The following ASCC3 variants were observed in gnomAD, a reference collection of about 807,000 sequenced individuals.
ASCC3 encodes ASC-1 complex subunit P200.
A neutral mutation model predicts 256.3 loss-of-function variants in ASCC3; 158 were observed. That is an observed-to-expected ratio of 0.62 (90% CI 0.54 to 0.70). The LOEUF is 0.70. Ranked by LOEUF, ASCC3 falls within the 30% of genes least tolerant of loss-of-function variation. The pLI is 0.00. For missense variants in ASCC3, 2,259 were observed against 2,626.0 expected (o/e 0.86, Z 3.05); for synonymous variants, 948 against 883.4 (o/e 1.07, Z -1.30).
At chr6:100,715,228 A>T (rs1779035166) in intron 13 of ASCC3, 1 of 385,158 alleles carries the variant, frequency 2.6e-6, no homozygotes, top group Non-Finnish European at 4.6e-6. Context: ...ATTTAAAATT[A>T]AAAATGGCAA....
At chr6:100,730,084 G>A (rs1388066905) in intron 10 of ASCC3, among the ~76,000 whole-genome samples, 1 of 151,938 alleles carries the variant, frequency 6.6e-6, no homozygotes, top group Non-Finnish European at 1.5e-5. Context: ...GTGGGAAGAT[G>A]ACTTGAGGTC....
rs915510474 is a variant in ASCC3 at position 100,593,994 on chromosome 6, A to G, written c.5304-3935T>C. ...TACATATCTAAACATAATTATCTTTATATGCATATATACATAATATACACA... is the reference window on the plus strand; with the variant it reads ...TACATATCTAAACATAATTATCTTTGTATGCATATATACATAATATACACA... On this transcript the variant is annotated intron_variant, in intron 34 of 41. Coordinates refer to ENST00000369162, the MANE Select transcript of ASCC3 (RefSeq NM_006828.4). Among the ~76,000 whole-genome samples, 4 of 152,176 alleles carry G rather than the reference A, an allele frequency of 2.6e-5. No individual in the cohort carries two copies. The East Asian group carries it at 7.7e-4, about 29-fold the overall frequency.
chr6:100,795,143 A>G lies in ASCC3; in HGVS notation c.1395+3570T>C, dbSNP rs111528609. ...AAATGAACTGGTGACCTAAGTCAGG[A>G]AAATCAGAGTTCATCCTAGGAGGTT... On this transcript the variant is annotated intron_variant, in intron 8 of 41. Coordinates refer to ENST00000369162, the MANE Select transcript of ASCC3 (RefSeq NM_006828.4). Among the ~76,000 whole-genome samples the G allele has an allele frequency of 3.3e-5, 5 of 152,194 alleles. 1 individual carries two copies. The highest frequency in any genetic ancestry group is 1.2e-4 in the African/African-American group (5 of 41,544).
intron 36 of ASCC3, among the ~76,000 whole-genome samples, chr6:100,561,044 G>C (rs1769917618): frequency 6.7e-6 from 1 of 149,630 alleles, no homozygotes; most frequent in African/African-American, 2.5e-5. Flanking sequence ...CCAACCACTT[G>C]TTTTATAAAA....
intron 3 of ASCC3, chr6:100,859,352 G>A: frequency 2.9e-6 from 2 of 688,634 alleles, no homozygotes; most frequent in Admixed American, 2.1e-5. Flanking sequence ...GGTATTCTCT[G>A]TAGAGGGTTG....
intron 5 of ASCC3, 68 bp downstream of exon 5, chr6:100,805,692 C>T: frequency 1.3e-6 from 2 of 1,537,264 alleles, no homozygotes; most frequent in Non-Finnish European, 1.8e-6. Context: ...AATGTAATTA[C>T]ATTAAAAACA....
chr6:100,847,220 A>C (rs564432138), intron 4 of ASCC3, among the ~76,000 whole-genome samples: 1 of 152,306 alleles, frequency 6.6e-6, no homozygotes, highest in East Asian at 1.9e-4. Flanking sequence ...ATAATTGGAT[A>C]ACTACTATGT....
At chr6:100,663,237 C>T (rs144811933) in intron 14 of ASCC3, among the ~76,000 whole-genome samples, 2 of 152,136 alleles carry the variant, frequency 1.3e-5, no homozygotes, top group East Asian at 1.9e-4. Context: ...ATAGAGGAGT[C>T]CTTCCTTATC....
intron 30 of ASCC3, among the ~76,000 whole-genome samples, chr6:100,608,118 CTA>C (rs201020275): frequency 9.0e-4 from 21 of 23,348 alleles, no homozygotes; most frequent in African/African-American, 1.6e-3. Flanking sequence ...GTATATATAT[CTA>C]TATATACATA....
chr6:100,589,802 T>G, intron 35 of ASCC3, 34 bp from the exon 36 acceptor site: 1 of 1,612,458 alleles, frequency 6.2e-7, no homozygotes. Context: ...AAGAGTACGA[T>G]GAAAGTACAT....
intron 33 of ASCC3, among the ~76,000 whole-genome samples, chr6:100,603,637 C>T (rs1166408808): frequency 6.6e-6 from 1 of 151,984 alleles, no homozygotes; most frequent in Non-Finnish European, 1.5e-5. Flanking sequence ...CTCCTGCTTG[C>T]TAACAGTTTT....
intron 37 of ASCC3, among the ~76,000 whole-genome samples, chr6:100,520,483 C>T (rs1774250876): frequency 6.6e-6 from 1 of 151,240 alleles, no homozygotes; most frequent in Non-Finnish European, 1.5e-5. Flanking sequence ...GTACTTTGTC[C>T]CTCTGGGAAA....
chr6:100,530,999 T>C, intron 37 of ASCC3: 1 of 1,594,916 alleles, frequency 6.3e-7, no homozygotes, highest in Non-Finnish European at 8.6e-7. Context: ...TATTGATGAC[T>C]TTGTGGAATT....
chr6:100,833,147 C>T (rs1346933935), intron 4 of ASCC3, among the ~76,000 whole-genome samples: 1 of 151,948 alleles, frequency 6.6e-6, no homozygotes, highest in Non-Finnish European at 1.5e-5. Context: ...ACTGTCAAGC[C>T]ATGAAAATAC....
intron 10 of ASCC3, among the ~76,000 whole-genome samples, chr6:100,753,801 T>C (rs1250514425): frequency 1.3e-5 from 2 of 152,158 alleles, no homozygotes; most frequent in Non-Finnish European, 2.9e-5. Context: ...GACAACTGTT[T>C]TTGTTATATT....
chr6:100,510,118 G>GAA lies in ASCC3; in HGVS notation c.6286-13_6286-12dup. 6.2e-7 allele frequency: 1 copy of GAA among 1,613,692 alleles called. No homozygotes were observed. Among genetic ancestry groups the GAA allele is most frequent in the Non-Finnish European group, 8.5e-7 (1 of 1,179,854 alleles). ...GCTCTCTGGCTTTCCCTGTAAACCA[G>GAA]AAAAAAAGATACAACATTAAAAATA... On this transcript the variant is annotated splice_polypyrimidine_tract_variant and intron_variant, in intron 40 of 41. Transcript: ENST00000369162.
chr6:100,722,366 A>G (rs955353137), intron 11 of ASCC3, among the ~76,000 whole-genome samples: 3 of 151,524 alleles, frequency 2.0e-5, no homozygotes, highest in Non-Finnish European at 4.4e-5. Context: ...TTCTAATTCT[A>G]TGAAGAATGA....
intron 25 of ASCC3, among the ~76,000 whole-genome samples, chr6:100,635,575 T>C (rs915220278): frequency 3.9e-5 from 6 of 152,078 alleles, no homozygotes; most frequent in African/African-American, 7.2e-5. Flanking sequence ...GCTAAGAGAA[T>C]AGATTTTATG....
chr6:100,800,406 G>A lies in ASCC3; in HGVS notation c.1021C>T (p.Arg341Ter), dbSNP rs368946778. 78 of 1,612,156 alleles carry A rather than the reference G, an allele frequency of 4.8e-5. No homozygotes were observed. Among genetic ancestry groups the A allele is most frequent in the African/African-American group, 9.4e-5 (7 of 74,712 alleles). The change falls in exon 6 of 42, where the codon CGA becomes TGA. Residue 341 changes from arginine (R) to a stop codon, truncating the protein, a stop_gained. Transcript: ENST00000369162. LOFTEE classifies it high-confidence loss of function. ...CTGGCAATTCTTTTTTCTTCACGTC[G>A]ATATTGTTTCATTAACTGCTTTTCT... ...EQEKQLMKQYRREEKRIARRE... is the reference protein window; with the variant it reads ...EQEKQLMKQY
Sources: gnomAD v4.1 joint callset for allele counts (sites outside exome capture counted in the v4.1 genomes callset) on GRCh38, gnomAD v4.1.1 for gene constraint, MANE v1.5 for transcripts, NCBI Gene and HGNC (gene_info 2026-07-23, HGNC 2026-07-21) for gene names.